The following PRAG1 variants were observed in gnomAD, a reference collection of about 807,000 sequenced individuals.
PRAG1 encodes the protein PEAK1 related, kinase-activating pseudokinase 1.
PRAG1 carries 110 observed loss-of-function variants against 95.6 expected under a neutral mutation model. That is an observed-to-expected ratio of 1.15 (90% CI 0.99 to 1.35). PRAG1 has a LOEUF of 1.35. Among genes scored for constraint, PRAG1 ranks in the 40% most tolerant of loss-of-function variants. The pLI is 0.00. For missense variants in PRAG1, 2,554 were observed against 1,864.7 expected, an observed-to-expected ratio of 1.37 and a Z score of -6.81; for synonymous variants, 1,052 against 819.4, an observed-to-expected ratio of 1.28 and a Z score of -4.85.
At chr8:8,342,627 G>A (rs780418119) in intron 3 of PRAG1, among the ~76,000 whole-genome samples, 1 of 152,102 alleles carries the variant, frequency 6.6e-6, no homozygotes. Flanking sequence ...GATAAATCTA[G>A]GACCAACATT....
intron 4 of PRAG1, among the ~76,000 whole-genome samples, chr8:8,339,071 T>C (rs577753670): frequency 6.6e-6 from 1 of 152,174 alleles, no homozygotes; most frequent in East Asian, 1.9e-4. Flanking sequence ...AGTGTGTACA[T>C]GTGGGTACAT....
chr8:8,376,645 T>C lies in PRAG1; in HGVS notation c.1764A>G (p.Pro588=), dbSNP rs1214595984. 3 of 1,607,608 alleles carry C rather than the reference T, an allele frequency of 1.9e-6. No homozygotes were observed. The highest frequency in any genetic ancestry group is 1.3e-5 in the African/African-American group (1 of 74,846). ...GAGCGGGGTCAGCAGGACCTTGGGATGGAGGCTGGGGCCCAATGCTGCTGC... is the reference window on the plus strand; with the variant it reads ...GAGCGGGGTCAGCAGGACCTTGGGACGGAGGCTGGGGCCCAATGCTGCTGC... The part of the protein sequence containing the change: ...SGGSSIGPQP[P]SQGPADPAPS... Residue 588 remains proline (P), a synonymous_variant, in exon 3 of 6, where the codon CCA becomes CCG. Transcript: ENST00000615670.
At chr8:8,364,972 C>T (rs533692619) in intron 3 of PRAG1, among the ~76,000 whole-genome samples, 6 of 152,162 alleles carry the variant, frequency 3.9e-5, no homozygotes, top group Admixed American at 6.5e-5. Context: ...CCTTGTTTCA[C>T]GTCTTGAAGA....
rs111585715 is a variant in PRAG1 at position 8,366,804 on chromosome 8, A to G, written c.2162+9443T>C. Among the ~76,000 whole-genome samples, 899 of 151,958 alleles carry G rather than the reference A, an allele frequency of 5.9e-3. 6 individuals are homozygous for G. Among genetic ancestry groups the G allele is most frequent in the African/African-American group, 0.02 (844 of 41,428 alleles). On this transcript the variant is annotated intron_variant, in intron 3 of 5. Transcript: ENST00000615670. ...GCAATCCTCCCACATCAGCCTCCCA[A>G]GTAGCTGTAACTACAGGTATGTGCC...
Position 8,376,281 on chromosome 8 carries a change from T to A in PRAG1, c.2128A>T (p.Thr710Ser). Residue 710 changes from threonine to serine, a missense_variant, in exon 3 of 6, where the codon ACA becomes TCA. Coordinates refer to ENST00000615670, the MANE Select transcript of PRAG1 (RefSeq NM_001080826.3). ...EFPKDRSGIE[T>S]FSPPPPPPKS... The stretch of plus-strand genomic sequence containing the variant: ...GGAGGCGGAGGAGGAGGTGAGAATG[T>A]CTCAATCCCACTTCTGTCCTTGGGG... The A allele has an allele frequency of 6.2e-7, 1 of 1,614,080 alleles. No individual in the cohort carries two copies. The highest frequency in any genetic ancestry group is 8.5e-7 in the Non-Finnish European group (1 of 1,180,012).
intron 3 of PRAG1, among the ~76,000 whole-genome samples, chr8:8,347,182 GTCC>G (rs1799374065): frequency 6.6e-6 from 1 of 152,184 alleles, no homozygotes; most frequent in Admixed American, 6.5e-5. Flanking sequence ...CCGTAGTGCT[GTCC>G]TCATCAGTGA....
Position 8,318,221 on chromosome 8 carries a change from C to A in PRAG1, c.4154G>T (p.Cys1385Phe), listed in dbSNP as rs887355506. 6 of 1,614,040 alleles carry A rather than the reference C, an allele frequency of 3.7e-6. No homozygotes were observed. Among genetic ancestry groups the A allele is most frequent in the Non-Finnish European group, 4.2e-6 (5 of 1,180,030 alleles). ...GGGCTCCGCAGACGCCAGGTACTGG[C>A]AGCAAAGCCAGTCCTCCAGCTCCAC... ...RGVELEDWLC[C>F]QYLASAEPGA... The change falls in exon 6 of 6, where the codon TGC (cysteine) becomes TTC (phenylalanine). Residue 1385 changes from cysteine to phenylalanine, a missense_variant. By Grantham distance (205) the Cys-to-Phe change is radical (BLOSUM62 -2). Coordinates refer to ENST00000615670, the MANE Select transcript of PRAG1 (RefSeq NM_001080826.3). The surrounding 1 kb of genome is among the most constrained non-coding windows in gnomAD (Gnocchi z 4.2).
At position 8,319,304 on chromosome 8, in the gene PRAG1, T is replaced by A; in HGVS notation, c.3073-2A>T. Reference sequence around the variant, plus strand: ...TTTGGGCTCAGGGGCTTTGCAGATCTGTGGAGAGAAGAAGAAGTGAAATCA... The same window carrying A: ...TTTGGGCTCAGGGGCTTTGCAGATCAGTGGAGAGAAGAAGAAGTGAAATCA... On this transcript the variant is annotated splice_acceptor_variant, in intron 5 of 5. Coordinates refer to ENST00000615670, the MANE Select transcript of PRAG1 (RefSeq NM_001080826.3). LOFTEE classifies it high-confidence loss of function. The A allele has an allele frequency of 1.3e-6, 2 of 1,501,304 alleles. No individual in the cohort carries two copies. Among genetic ancestry groups the A allele is most frequent in the Non-Finnish European group, 1.8e-6 (2 of 1,123,344 alleles). 93.0% of individuals were successfully genotyped at this position (1,501,304 alleles called of 1,614,324 possible).
At chr8:8,340,026 T>G (rs1483551001) in intron 3 of PRAG1, among the ~76,000 whole-genome samples, 1 of 152,256 alleles carries the variant, frequency 6.6e-6, no homozygotes, top group African/African-American at 2.4e-5. Context: ...ATACAGATAT[T>G]GGGTTGTTTT....
intron 4 of PRAG1, among the ~76,000 whole-genome samples, chr8:8,335,523 CT>C (rs1290467385): frequency 6.6e-6 from 1 of 151,692 alleles, no homozygotes; most frequent in Non-Finnish European, 1.5e-5. Context: ...CATTTTATTC[CT>C]TTCTCTGTTG....
intron 3 of PRAG1, among the ~76,000 whole-genome samples, chr8:8,356,824 G>C (rs1421336543): frequency 6.6e-6 from 1 of 152,140 alleles, no homozygotes; most frequent in East Asian, 1.9e-4. Flanking sequence ...TGGAGTACTA[G>C]CATATAGACA....
intron 1 of PRAG1, among the ~76,000 whole-genome samples, chr8:8,383,558 G>C (rs1212877712): frequency 6.6e-6 from 1 of 152,046 alleles, no homozygotes; most frequent in Non-Finnish European, 1.5e-5. Flanking sequence ...TCCAGCCTGG[G>C]TGACTAGAGT....
At chr8:8,329,515 A>G (rs565016688) in intron 4 of PRAG1, among the ~76,000 whole-genome samples, 1 of 152,146 alleles carries the variant, frequency 6.6e-6, no homozygotes, top group Admixed American at 6.5e-5. Context: ...ATGCCTTTCC[A>G]CACCTTGGCA....
intron 5 of PRAG1, among the ~76,000 whole-genome samples, chr8:8,324,061 T>C (rs1287022082): frequency 6.6e-6 from 1 of 152,192 alleles, no homozygotes; most frequent in Non-Finnish European, 1.5e-5. Context: ...GATGCAGGCA[T>C]GGCTCTCAGC....
intron 3 of PRAG1, among the ~76,000 whole-genome samples, chr8:8,344,266 G>T (rs1159688281): frequency 6.6e-6 from 1 of 152,150 alleles, no homozygotes; most frequent in Non-Finnish European, 1.5e-5. Flanking sequence ...TTGTGGTATA[G>T]TCTTTTGGTG....
intron 4 of PRAG1, among the ~76,000 whole-genome samples, chr8:8,329,209 A>G (rs1798743438): frequency 6.6e-6 from 1 of 152,080 alleles, no homozygotes; most frequent in Non-Finnish European, 1.5e-5. Flanking sequence ...CCTGGCCAAC[A>G]TGGTGAAATC....
Position 8,377,188 on chromosome 8 carries a change from TGTA to T in PRAG1, c.1218_1220del (p.Thr407del). ...TCTCAGCATAGATGGGTTCAGGCTG[TGTA>T]GCCTCCCGGGGGTGGGCCGGGGGCT... On this transcript the variant is annotated inframe_deletion, in exon 3 of 6. Coordinates refer to ENST00000615670, the MANE Select transcript of PRAG1 (RefSeq NM_001080826.3). The T allele has an allele frequency of 6.2e-7, 1 of 1,611,834 alleles. No homozygotes were observed. The highest frequency in any genetic ancestry group is 8.5e-7 in the Non-Finnish European group (1 of 1,179,780).
intron 5 of PRAG1, among the ~76,000 whole-genome samples, chr8:8,322,282 G>A (rs947809946): frequency 6.6e-6 from 1 of 152,136 alleles, no homozygotes; most frequent in Non-Finnish European, 1.5e-5. Context: ...CCGGGTTCAA[G>A]CGATTCTTCT....
Position 8,378,036 on chromosome 8 carries a change from G to A in PRAG1, c.373C>T (p.Gln125Ter), listed in dbSNP as rs746412865. The change falls in exon 3 of 6, where the codon CAG becomes TAG. Residue 125 changes from glutamine (Q) to a stop codon, truncating the protein, a stop_gained. Coordinates refer to ENST00000615670, the MANE Select transcript of PRAG1 (RefSeq NM_001080826.3). LOFTEE classifies it high-confidence loss of function. ...AGGTAGACGACGGGGGCATCCTCCT[G>A]CTTCGGGAGGGGGAGCTTGCCAGGG... ...RAPGKLPLPK[Q>*]EDAPVVYLGS... 4 of 1,561,314 alleles carry A rather than the reference G, an allele frequency of 2.6e-6. No homozygotes were observed. In the African/African-American group the frequency reaches 5.4e-5, roughly 21 times the overall value.
Sources: gnomAD v4.1 joint callset for allele counts (sites outside exome capture counted in the v4.1 genomes callset) on GRCh38, gnomAD v4.1.1 for gene constraint, Gnocchi (gnomAD v3.1) non-coding constraint, MANE v1.5 for transcripts, NCBI Gene and HGNC (gene_info 2026-07-23, HGNC 2026-07-21) for gene names.